Variants in MOV10L1 observed in about 807,000 individuals in gnomAD.
MOV10L1 encodes the protein RNA helicase Mov10l1.
A neutral mutation model predicts 143.8 loss-of-function variants in MOV10L1; 110 were observed. The ratio of observed to expected loss-of-function variants is 0.76; its 90% confidence interval spans 0.66 to 0.90. MOV10L1 has a LOEUF of 0.90. Among genes scored for constraint, MOV10L1 ranks in the 40% least tolerant of loss-of-function variants. MOV10L1 has a pLI of 0.00. For synonymous variants in MOV10L1, 593 were observed against 581.1 expected (o/e 1.02, Z -0.29); for missense variants, 1,406 against 1,526.8 (o/e 0.92, Z 1.32).
chr22:50,132,151 C>T (rs1349133830), intron 13 of MOV10L1, among the ~76,000 whole-genome samples: 2 of 152,208 alleles, frequency 1.3e-5, no homozygotes, highest in African/African-American at 2.4e-5. Context: ...AGTAACATCA[C>T]ATTGGGGATG....
At chr22:50,146,469 G>T (rs936634281) in intron 19 of MOV10L1, among the ~76,000 whole-genome samples, 2 of 152,002 alleles carry the variant, frequency 1.3e-5, no homozygotes, top group African/African-American at 4.8e-5. Flanking sequence ...CCCAGTGCAG[G>T]GGGGTGGGGT....
rs1457040470 is a variant in MOV10L1 at position 50,161,377 on chromosome 22, G to A, written c.3564G>A (p.Glu1188=). ...TCTCCTCTGTCTACAGCTGTGGCGA[G>A]GGGGTGGCAGACCCCTCCTACCCAG... The part of the protein sequence containing the change: ...PALQSLQNCG[E]GVADPSYPVV... The change falls in exon 27 of 27, where the codon GAG becomes GAA. Residue 1188 remains glutamate, a synonymous_variant. Coordinates refer to ENST00000262794, the MANE Select transcript of MOV10L1 (RefSeq NM_018995.3). 1 of 1,597,654 alleles carries A rather than the reference G, an allele frequency of 6.3e-7. No homozygotes were observed. Among genetic ancestry groups the A allele is most frequent in the Admixed American group, 1.7e-5 (1 of 57,884 alleles).
At chr22:50,094,601 G>A (rs4838821) in intron 2 of MOV10L1, 34,037 of 151,856 alleles carry the variant, frequency 0.22, 4,171 homozygotes, top group Admixed American at 0.35. Flanking sequence ...GGGTTTCACT[G>A]TGTTAGCCAG....
intron 22 of MOV10L1, among the ~76,000 whole-genome samples, chr22:50,154,921 T>C (rs2147453087): frequency 6.6e-6 from 1 of 152,358 alleles, no homozygotes; most frequent in Middle Eastern, 3.4e-3. Context: ...TTTATTGTTG[T>C]ATTTCTTAGG....
At chr22:50,103,899 A>C (rs1219152278) in intron 3 of MOV10L1, among the ~76,000 whole-genome samples, 1 of 152,202 alleles carries the variant, frequency 6.6e-6, no homozygotes, top group African/African-American at 2.4e-5. Flanking sequence ...GGATGATTTC[A>C]GTGCATTACA....
chr22:50,102,227 G>A (rs2061763381), intron 3 of MOV10L1, among the ~76,000 whole-genome samples: 1 of 152,164 alleles, frequency 6.6e-6, no homozygotes, highest in Admixed American at 6.5e-5. Context: ...CACAGCAAAA[G>A]AACTTTTTTG....
chr22:50,111,795 G>A (rs369313051), intron 5 of MOV10L1, among the ~76,000 whole-genome samples: 27 of 152,206 alleles, frequency 1.8e-4, no homozygotes, highest in Middle Eastern at 3.4e-3. Context: ...GAGCCACCAC[G>A]CCCGGCCCCG....
intron 4 of MOV10L1, 96 bp from the exon 5 acceptor site, chr22:50,108,561 G>A (rs934452640): frequency 4.4e-6 from 6 of 1,362,160 alleles, no homozygotes; most frequent in Admixed American, 1.8e-5. Context: ...TCCTGGTGCA[G>A]CTTGTGTGCT....
intron 5 of MOV10L1, among the ~76,000 whole-genome samples, chr22:50,111,050 C>T (rs2062010577): frequency 6.6e-6 from 1 of 152,180 alleles, no homozygotes; most frequent in South Asian, 2.1e-4. Context: ...CCCACCCCCT[C>T]CCTGCCTGCC....
At chr22:50,155,260 T>TG (rs986657857) in intron 22 of MOV10L1, among the ~76,000 whole-genome samples, 16 of 136,154 alleles carry the variant, frequency 1.2e-4, no homozygotes, top group East Asian at 2.0e-4. Context: ...GGTTGTTTTG[T>TG]GGGTTTTTTT....
chr22:50,131,021 C>T (rs976709817), intron 13 of MOV10L1, among the ~76,000 whole-genome samples: 21 of 151,932 alleles, frequency 1.4e-4, no homozygotes, highest in East Asian at 5.8e-4. Context: ...CTCAGTCTCC[C>T]GAGTAGCTGG....
intron 17 of MOV10L1, among the ~76,000 whole-genome samples, 192 bp from the exon 18 acceptor site, chr22:50,143,905 C>T (rs887481302): frequency 2.0e-5 from 3 of 152,180 alleles, no homozygotes; most frequent in Non-Finnish European, 4.4e-5. Flanking sequence ...GAGAACCTTC[C>T]CACCTAACCC....
At chr22:50,133,759 G>A (rs1003397565) in intron 13 of MOV10L1, among the ~76,000 whole-genome samples, 4 of 152,038 alleles carry the variant, frequency 2.6e-5, no homozygotes, top group Non-Finnish European at 4.4e-5. Context: ...GGCCAGGCTG[G>A]TCTCGAACTC....
chr22:50,137,592 C>T (rs1394440862), intron 15 of MOV10L1, among the ~76,000 whole-genome samples: 2 of 151,856 alleles, frequency 1.3e-5, no homozygotes, highest in East Asian at 3.9e-4. Flanking sequence ...GTAGACCTAG[C>T]TACTCAGGAG....
chr22:50,114,287 A>G, intron 6 of MOV10L1, 94 bp from the exon 7 acceptor site: 1 of 1,433,692 alleles, frequency 7.0e-7, no homozygotes, highest in South Asian at 1.3e-5. Flanking sequence ...ATTTGCAGTC[A>G]CCACTTCCTA....
chr22:50,144,621 G>C (rs181770835), intron 18 of MOV10L1, among the ~76,000 whole-genome samples: 3 of 150,722 alleles, frequency 2.0e-5, no homozygotes, highest in East Asian at 2.0e-4. Flanking sequence ...TCGCTGTGTC[G>C]CCCAGGCTGA....
intron 20 of MOV10L1, 63 bp from the exon 21 acceptor site, chr22:50,150,672 G>A (rs1444717317): frequency 8.3e-6 from 13 of 1,571,916 alleles, no homozygotes; most frequent in Non-Finnish European, 1.1e-5. Context: ...ATTCCCACCT[G>A]AGCCCGTAGG....
intron 24 of MOV10L1, 97 bp from the exon 25 acceptor site, chr22:50,160,591 A>G: frequency 7.0e-7 from 1 of 1,434,314 alleles, no homozygotes; most frequent in Non-Finnish European, 9.4e-7. Context: ...TCATTCTGCT[A>G]TTTAACATTT....
intron 10 of MOV10L1, 101 bp from the exon 11 acceptor site, chr22:50,125,291 C>T (rs536044037): frequency 3.3e-6 from 4 of 1,224,868 alleles, no homozygotes; most frequent in Non-Finnish European, 4.6e-6. Context: ...GGGGGGCCAT[C>T]TGCTGAACTG....
Sources: allele counts gnomAD v4.1 joint callset (sites outside exome capture counted in the v4.1 genomes callset), GRCh38; gene constraint gnomAD v4.1.1; transcripts MANE v1.5; gene names NCBI Gene and HGNC (gene_info 2026-07-23, HGNC 2026-07-21).